The following ACKR2 variants were observed in gnomAD, a reference collection of about 807,000 sequenced individuals.
ACKR2 encodes C-C chemokine receptor D6.
For missense variants in ACKR2, 457 were observed against 477.3 expected (o/e 0.96, Z 0.40); for synonymous variants, 207 against 192.2 (o/e 1.08, Z -0.64).
At chr3:42,854,045 T>G (rs1319844487) in intron 2 of ACKR2, among the ~76,000 whole-genome samples, 1 of 152,098 alleles carries the variant, frequency 6.6e-6, no homozygotes, top group African/African-American at 2.4e-5. Flanking sequence ...ATAGGCTTCT[T>G]GGCTGTAGGT....
rs373940627 is a variant in ACKR2, at chr3:42,865,353, G to A, written c.851G>A (p.Cys284Tyr). 1.4e-5 allele frequency: 22 copies of A among 1,614,080 alleles called. No individual in the cohort carries two copies. Among genetic ancestry groups the A allele is most frequent in the Non-Finnish European group, 1.8e-5 (21 of 1,180,044 alleles). Residue 284 changes from cysteine to tyrosine, a missense_variant, in exon 3 of 3, where the codon TGT becomes TAT. Physicochemically the swap from Cys to Tyr is radical, Grantham distance 194. Transcript: ENST00000422265. ...TTGGACCTGCAAGTATTCGGGAACT[G>A]TGAGGTCAGCCAGCATCTAGACTAC... The part of the protein sequence containing the change: ...TLLDLQVFGN[C>Y]EVSQHLDYAL...
intron 2 of ACKR2, among the ~76,000 whole-genome samples, chr3:42,826,546 T>C (rs971705975): frequency 1.3e-5 from 2 of 151,946 alleles, no homozygotes; most frequent in African/African-American, 4.8e-5. Context: ...CAGATGTTCA[T>C]AGTATTTTCT....
intron 2 of ACKR2, among the ~76,000 whole-genome samples, chr3:42,823,895 T>C (rs1700835555): frequency 6.6e-6 from 1 of 152,234 alleles, no homozygotes; most frequent in African/African-American, 2.4e-5. Flanking sequence ...ATCTGAGTTT[T>C]AGAACACTGA....
intron 2 of ACKR2, among the ~76,000 whole-genome samples, chr3:42,828,079 T>C (rs1328672481): frequency 8.6e-5 from 8 of 92,726 alleles, no homozygotes; most frequent in African/African-American, 3.0e-4. Context: ...TTGCATTATA[T>C]ATATATATAT....
rs1024913437 is a variant in ACKR2 at position 42,866,872 on chromosome 3, A to G, written c.*1215A>G. ...AGAAAGAAATGAAGAACAAAAAAAAAGATTGATTTTTTTTTTTTTGAGACA... is the reference window on the plus strand; with the variant it reads ...AGAAAGAAATGAAGAACAAAAAAAAGGATTGATTTTTTTTTTTTTGAGACA... On this transcript the variant is annotated 3_prime_UTR_variant, in exon 3 of 3. Coordinates refer to ENST00000422265, the MANE Select transcript of ACKR2 (RefSeq NM_001296.5). 1.2e-5 allele frequency: 2 copies of G among 166,706 alleles called. No individual in the cohort carries two copies. The highest frequency in any genetic ancestry group is 1.5e-5 in the Non-Finnish European group (1 of 68,076). 10.3% of individuals were successfully genotyped at this position (166,706 alleles called of 1,614,324 possible). A position where few individuals can be genotyped will look rare whatever the true frequency, so the allele number is the denominator to read the frequency against.
At chr3:42,828,092 A>ATATATTTTTTTTTTTTTTTTTTTT (rs1193533555) in intron 2 of ACKR2, among the ~76,000 whole-genome samples, 4 of 121,902 alleles carry the variant, frequency 3.3e-5, no homozygotes, top group South Asian at 2.8e-4. Flanking sequence ...ATATATATAT[A>ATATATTTTTTTTTTTTTTTTTTTT]TTTTTTTTTT....
chr3:42,827,177 A>AAGAACAT (rs1353489806), intron 2 of ACKR2, among the ~76,000 whole-genome samples: 2 of 152,190 alleles, frequency 1.3e-5, no homozygotes, highest in African/African-American at 4.8e-5. Context: ...TGCACCTGAG[A>AAGAACAT]AGAACATGTA....
In ACKR2 at chr3:42,865,864, A is replaced by C; in HGVS notation, c.*207A>C. The C allele has an allele frequency of 1.9e-6, 1 of 532,434 alleles. No homozygotes were observed. Among genetic ancestry groups the C allele is most frequent in the East Asian group, 3.2e-5 (1 of 31,394 alleles). The allele number at this position is 532,434 out of a possible 1,614,324, so 33.0% of individuals were successfully genotyped here. ...CAGGATACCACGCTTTCTTTTCTGA[A>C]TTGCTACAATCTTTCTTCCTTCCTT... On this transcript the variant is annotated 3_prime_UTR_variant, in exon 3 of 3. Transcript: ENST00000422265.
At chr3:42,829,968 CA>C (rs1168807129) in intron 2 of ACKR2, among the ~76,000 whole-genome samples, 1 of 152,210 alleles carries the variant, frequency 6.6e-6, no homozygotes, top group Non-Finnish European at 1.5e-5. Flanking sequence ...TCTCATATTC[CA>C]AAACCTAAAC....
intron 2 of ACKR2, among the ~76,000 whole-genome samples, chr3:42,825,195 T>G (rs1345957547): frequency 6.6e-5 from 10 of 152,202 alleles, no homozygotes; most frequent in Non-Finnish European, 1.5e-5. Context: ...CTGGGTTCCT[T>G]GCATTTCCAT....
chr3:42,825,600 T>TGC (rs1553699644), intron 2 of ACKR2, among the ~76,000 whole-genome samples: 42 of 150,970 alleles, frequency 2.8e-4, no homozygotes, highest in African/African-American at 9.0e-4. Flanking sequence ...TGTGTGTGTG[T>TGC]GCGTGTGTGT....
In ACKR2 at chr3:42,836,564, G is replaced by A. The variant is rs542273927; in HGVS notation, c.-38+16853G>A. Among the ~76,000 whole-genome samples the A allele has an allele frequency of 3.5e-4, 53 of 152,306 alleles. 2 individuals carry two copies. Among genetic ancestry groups the A allele is most frequent in the Non-Finnish European group, 7.3e-5 (5 of 68,034 alleles). ...ACTCAGATGGAAAGGGCCCTGTGGCGTTCTGTTGACCATTGTCATGACTCT... is the reference window on the plus strand; with the variant it reads ...ACTCAGATGGAAAGGGCCCTGTGGCATTCTGTTGACCATTGTCATGACTCT... On this transcript the variant is annotated intron_variant, in intron 2 of 2. Transcript: ENST00000422265.
intron 2 of ACKR2, 123 bp from the exon 3 acceptor site, chr3:42,864,343 A>C: frequency 2.5e-6 from 2 of 804,576 alleles, no homozygotes; most frequent in South Asian, 4.1e-5. Context: ...TTTTGCTCTT[A>C]CTTGCTGGAC....
At chr3:42,811,335 A>G (rs902464292) in intron 1 of ACKR2, among the ~76,000 whole-genome samples, 4 of 152,240 alleles carry the variant, frequency 2.6e-5, no homozygotes, top group Non-Finnish European at 5.9e-5. Context: ...CTGTGCTCAC[A>G]GAAACATGTG....
intron 2 of ACKR2, among the ~76,000 whole-genome samples, chr3:42,825,028 C>T (rs182631862): frequency 1.7e-4 from 26 of 152,210 alleles, no homozygotes; most frequent in African/African-American, 5.5e-4. Context: ...CCATGGATAC[C>T]TGGGTTTATT....
At chr3:42,814,298 A>G (rs973632425) in intron 1 of ACKR2, among the ~76,000 whole-genome samples, 2 of 152,242 alleles carry the variant, frequency 1.3e-5, no homozygotes, top group Non-Finnish European at 2.9e-5. Context: ...TAATTGATGC[A>G]GAAGACTTAA....
chr3:42,826,101 T>C (rs1700862105), intron 2 of ACKR2, among the ~76,000 whole-genome samples: 1 of 152,102 alleles, frequency 6.6e-6, no homozygotes, highest in African/African-American at 2.4e-5. Context: ...TAACTAGTCA[T>C]GGTGTATAAC....
At chr3:42,853,232 C>G (rs1416086467) in intron 2 of ACKR2, among the ~76,000 whole-genome samples, 1 of 152,130 alleles carries the variant, frequency 6.6e-6, no homozygotes, top group African/African-American at 2.4e-5. Context: ...TGATTTGGGG[C>G]TCCAGCTCTG....
intron 1 of ACKR2, among the ~76,000 whole-genome samples, chr3:42,813,564 T>C (rs1700715966): frequency 6.6e-6 from 1 of 152,136 alleles, no homozygotes; most frequent in African/African-American, 2.4e-5. Context: ...CCAGGTCTTG[T>C]GAGAACTACT....
Sources: gnomAD v4.1 joint callset for allele counts (sites outside exome capture counted in the v4.1 genomes callset) on GRCh38, gnomAD v4.1.1 for gene constraint, MANE v1.5 for transcripts, NCBI Gene and HGNC (gene_info 2026-07-23, HGNC 2026-07-21) for gene names.